COL13A1: variants seen among roughly 807,000 people sequenced by gnomAD.
COL13A1 encodes collagen type XIII alpha 1 chain.
Under a neutral mutation model 130.9 loss-of-function variants are expected in COL13A1, and 89 were observed. The ratio of observed to expected loss-of-function variants is 0.68; its 90% CI spans 0.57 to 0.81. COL13A1 has a LOEUF of 0.81. Among genes scored for constraint, COL13A1 ranks in the 30% least tolerant of loss-of-function variants. COL13A1 has a pLI of 0.00. For missense variants in COL13A1, 879 were observed against 934.6 expected, an observed-to-expected ratio of 0.94 and a Z score of 0.78; for synonymous variants, 402 against 341.6, an observed-to-expected ratio of 1.18 and a Z score of -1.95.
chr10:69,919,868 C>T (rs1207962755), intron 21 of COL13A1, 141 bp downstream of exon 21: 6 of 396,592 alleles, frequency 1.5e-5, no homozygotes, highest in Middle Eastern at 6.2e-4. Flanking sequence ...AGTGGCAGGA[C>T]GGCCTGGCCA....
intron 2 of COL13A1, among the ~76,000 whole-genome samples, chr10:69,838,715 T>G (rs1850768400): frequency 6.6e-6 from 1 of 152,358 alleles, no homozygotes; most frequent in South Asian, 2.1e-4. Flanking sequence ...CTACCTCCAC[T>G]AAGCCCCTGC....
Position 69,802,685 on chromosome 10 carries a change from A to G in COL13A1, c.262A>G (p.Ile88Val), listed in dbSNP as rs2131986246. Residue 88 changes from isoleucine to valine, a missense_variant, in exon 1 of 41, where the codon ATT becomes GTT. Around this residue, in one of 3 missense-constraint regions of COL13A1, gnomAD observed 715 missense variants for 721.0 expected, o/e 0.99. Transcript: ENST00000645393. ...CGGGGAGCAGCAAATGGAGACGGCT[A>G]TTTTGGGACGAGTCAATCAACTGCT... ...ERGEQQMETA[I>V]LGRVNQLLDE... 5 of 1,613,130 alleles carry G rather than the reference A, an allele frequency of 3.1e-6. No homozygotes were observed. The East Asian group carries it at 8.9e-5, about 29-fold the overall frequency.
intron 5 of COL13A1, among the ~76,000 whole-genome samples, chr10:69,876,121 T>G (rs2059546047): frequency 6.6e-6 from 1 of 152,200 alleles, no homozygotes; most frequent in Non-Finnish European, 1.5e-5. Context: ...CTTGCTGGCG[T>G]TGTGCTAAGA....
intron 38 of COL13A1, among the ~76,000 whole-genome samples, chr10:69,949,019 G>A (rs1367574006): frequency 6.6e-6 from 1 of 152,138 alleles, no homozygotes; most frequent in Non-Finnish European, 1.5e-5. Context: ...ACAATGAGGT[G>A]GCACGCACCT....
At chr10:69,888,407 C>G in intron 9 of COL13A1, 77 bp downstream of exon 9, 1 of 1,551,336 alleles carries the variant, frequency 6.4e-7, no homozygotes, top group Non-Finnish European at 8.8e-7. Context: ...GATATTGAAT[C>G]CTTGGAAAAT....
chr10:69,958,898 G>A lies in COL13A1; in HGVS notation c.*197G>A. The A allele has an allele frequency of 1.5e-6, 1 of 665,818 alleles. No homozygotes were observed. Among genetic ancestry groups the A allele is most frequent in the Admixed American group, 3.2e-5 (1 of 31,480 alleles). The allele number at this position is 665,818 out of a possible 1,614,324, so 41.2% of individuals were successfully genotyped here. A position where few individuals can be genotyped will look rare whatever the true frequency, so the allele number is the denominator to read the frequency against. ...TACAAGATGTTTTGTATAAGCCTAT[G>A]TCTCTAATACATTTTTTGTTTGGTC... On this transcript the variant is annotated 3_prime_UTR_variant, in exon 41 of 41. Coordinates refer to ENST00000645393, the MANE Select transcript of COL13A1 (RefSeq NM_001368882.1).
intron 2 of COL13A1, among the ~76,000 whole-genome samples, chr10:69,827,283 G>A (rs886703798): frequency 2.4e-4 from 36 of 152,326 alleles, no homozygotes; most frequent in South Asian, 2.1e-4. Flanking sequence ...GAGGCTGCCC[G>A]GCTCCCTCTG....
chr10:69,930,484 G>A lies in COL13A1; in HGVS notation c.1615G>A (p.Glu539Lys), dbSNP rs1210569417. The change falls in exon 30 of 41, where the codon GAA becomes AAA. Residue 539 changes from glutamate (E) to lysine (K), a missense_variant. Physicochemically the swap from Glu to Lys is moderately conservative, Grantham distance 56. Transcript: ENST00000645393. ...GGATGGACCTCCAGGAGTGAAGGGA[G>A]AAAACGGGCACCCAGGGAGCCCAGG... ...GKDGPPGVKG[E>K]NGHPGSPGEK... 9 of 1,613,788 alleles carry A rather than the reference G, an allele frequency of 5.6e-6. No homozygotes were observed. The highest frequency in any genetic ancestry group is 1.3e-5 in the African/African-American group (1 of 74,928).
At chr10:69,867,831 T>G in intron 3 of COL13A1, 26 bp downstream of exon 3, 1 of 718,434 alleles carries the variant, frequency 1.4e-6, no homozygotes, top group Non-Finnish European at 2.6e-6. Flanking sequence ...GAGGGTCTCG[T>G]GCATCTGAAA....
At chr10:69,889,521 G>A in intron 10 of COL13A1, 81 bp downstream of exon 10, 1 of 1,549,008 alleles carries the variant, frequency 6.5e-7, no homozygotes, top group Non-Finnish European at 8.8e-7. Context: ...ACTGCAAAGT[G>A]GGTCCCACAG....
chr10:69,958,555 C>T, intron 40 of COL13A1, 144 bp from the exon 41 acceptor site: 1 of 1,287,234 alleles, frequency 7.8e-7, no homozygotes, highest in Middle Eastern at 1.9e-4. Flanking sequence ...GTTTCTTTCA[C>T]CTAGGGGCTC....
intron 31 of COL13A1, 31 bp downstream of exon 31, chr10:69,932,635 T>C (rs765126955): frequency 6.9e-7 from 1 of 1,455,650 alleles, no homozygotes; most frequent in South Asian, 1.2e-5. Flanking sequence ...CAGAGACTCA[T>C]CAAGCGACAG....
intron 2 of COL13A1, among the ~76,000 whole-genome samples, chr10:69,846,350 A>T (rs1199856719): frequency 6.6e-6 from 1 of 151,526 alleles, no homozygotes; most frequent in Non-Finnish European, 1.5e-5. Context: ...TTTTCAGCCC[A>T]GCTGCTTGGA....
At chr10:69,939,167 A>G (rs530959710) in intron 34 of COL13A1, among the ~76,000 whole-genome samples, 1 of 152,326 alleles carries the variant, frequency 6.6e-6, no homozygotes, top group Admixed American at 6.5e-5. Flanking sequence ...GACAACTGAC[A>G]CAAACCTGAG....
intron 38 of COL13A1, among the ~76,000 whole-genome samples, chr10:69,951,215 A>G (rs10999052): frequency 0.026 from 3,906 of 152,268 alleles, 97 homozygotes; most frequent in South Asian, 0.11. Flanking sequence ...CTGCAGGAAC[A>G]GTGCACATGA....
At position 69,922,779 on chromosome 10, in the gene COL13A1, G is replaced by A. The variant is rs1343724485; in HGVS notation, c.1215G>A (p.Gly405=). 1.3e-6 allele frequency: 2 copies of A among 1,590,782 alleles called. No individual in the cohort carries two copies. The highest frequency in any genetic ancestry group is 1.7e-6 in the Non-Finnish European group (2 of 1,168,660). Residue 405 remains glycine, a synonymous_variant, in exon 23 of 41, where the codon GGG becomes GGA. Transcript: ENST00000645393. ...RGEPGPPGLP[G]PPGPKGEAGV... ...AACCTGGCCCTCCAGGGCTCCCTGG[G>A]CCCCCAGGGCCAAAGGTGAGTGTTC... is the stretch of plus-strand genomic sequence containing the variant.
chr10:69,944,353 G>A (rs931403655), intron 36 of COL13A1, among the ~76,000 whole-genome samples, 175 bp downstream of exon 36: 1 of 152,176 alleles, frequency 6.6e-6, no homozygotes, highest in Admixed American at 6.5e-5. Flanking sequence ...ACAAGACTTG[G>A]AGGGATCAAG....
chr10:69,852,375 C>T (rs1485607129), intron 2 of COL13A1, among the ~76,000 whole-genome samples: 1 of 152,172 alleles, frequency 6.6e-6, no homozygotes, highest in Admixed American at 6.5e-5. Context: ...TTTATCATTT[C>T]ACATATGTTA....
Position 69,941,010 on chromosome 10 carries a change from G to C in COL13A1, c.1901G>C (p.Arg634Thr), listed in dbSNP as rs756174030. The change falls in exon 35 of 41, where the codon AGG becomes ACG. Residue 634 changes from arginine (R) to threonine (T), a missense_variant. By Grantham distance (71) the Arg-to-Thr change is moderately conservative (BLOSUM62 -1). This residue lies in a region of COL13A1 where 96 missense variants were observed against 147.7 expected (regional missense o/e 0.65). Coordinates refer to ENST00000645393, the MANE Select transcript of COL13A1 (RefSeq NM_001368882.1). ...GLPGASGLDGRPGPPGTPGPI... is the reference protein window; with the variant it reads ...GLPGASGLDGTPGPPGTPGPI... ...CAGGGAGCTTCAGGTTTGGACGGCA[G>C]GCCTGGGCCACCGGTGAGTGTCACT... 14 of 1,613,740 alleles carry C rather than the reference G, an allele frequency of 8.7e-6. No homozygotes were observed. Among genetic ancestry groups the C allele is most frequent in the Non-Finnish European group, 1.2e-5 (14 of 1,179,866 alleles).
Sources: gnomAD v4.1 joint callset for allele counts (sites outside exome capture counted in the v4.1 genomes callset) on GRCh38, gnomAD v4.1.1 for gene constraint, gnomAD v4.1.1 regional missense constraint, MANE v1.5 for transcripts, NCBI Gene and HGNC (gene_info 2026-07-23, HGNC 2026-07-21) for gene names.